Variants in PGAP6 observed in about 807,000 individuals in gnomAD.
The protein encoded by PGAP6 is post-GPI attachment to proteins 6.
In PGAP6, 62 loss-of-function variants were observed where a neutral mutation model predicts 68.4. That is an observed-to-expected ratio of 0.91 (90% CI 0.74 to 1.12). The LOEUF (loss-of-function observed/expected upper bound fraction) is 1.12. Ranked by LOEUF, PGAP6 falls within the 50% of genes most tolerant of loss-of-function variation. The pLI, the probability that PGAP6 is intolerant of heterozygous loss-of-function variation, is 0.00. For missense variants in PGAP6, 1,188 were observed against 1,068.5 expected (o/e 1.11, Z -1.56); for synonymous variants, 575 against 474.0 (o/e 1.21, Z -2.77).
At chr16:379,059 C>T (rs8058883) in intron 1 of PGAP6, among the ~76,000 whole-genome samples, 76,239 of 152,102 alleles carry the variant, frequency 0.5, 19,572 homozygotes, top group South Asian at 0.66. Context: ...TAGGTCAGGG[C>T]GGAGGGCACA....
At chr16:381,620 G>C in intron 1 of PGAP6, 81 bp downstream of exon 1, 1 of 1,079,302 alleles carries the variant, frequency 9.3e-7, no homozygotes, top group Non-Finnish European at 1.1e-6. Flanking sequence ...TGAGCGCACA[G>C]GTGCGCCCGG....
At chr16:382,678 C>T (rs1444868201), upstream of PGAP6, among the ~76,000 whole-genome samples, 1 of 151,094 alleles carries the variant, frequency 6.6e-6, no homozygotes, top group African/African-American at 2.4e-5. Flanking sequence ...GAAGCTTTTT[C>T]CGTCTTAGGG....
rs764869924 is a variant in PGAP6 at position 371,995 on chromosome 16, C to T, written c.2308G>A (p.Val770Met). The T allele has an allele frequency of 6.2e-7, 1 of 1,611,820 alleles. No individual in the cohort carries two copies. Among genetic ancestry groups the T allele is most frequent in the Non-Finnish European group, 8.5e-7 (1 of 1,179,326 alleles). ...CTGTCCCCAGGCCAGTGTCACGTCA[C>T]TGCGTACAGTTCCTCCCGATCGTTC... ...CKNDREELYA[V>M]T is the part of the protein sequence containing the mutation. Residue 770 changes from valine (V) to methionine (M), a missense_variant, in exon 13 of 13, where the codon GTG becomes ATG. Physicochemically the swap from Val to Met is conservative, Grantham distance 21. Transcript: ENST00000431232.
chr16:377,556 A>G lies in PGAP6; in HGVS notation c.329T>C (p.Ile110Thr). The G allele has an allele frequency of 3.2e-6, 5 of 1,585,652 alleles. No homozygotes were observed. Among genetic ancestry groups the G allele is most frequent in the Non-Finnish European group, 4.3e-6 (5 of 1,166,592 alleles). ...CGGGAAGCTGGTGCCCAGCGGGTTG[A>G]TGACCGGAGGGGCGCCGGAACGGAA... Reference protein sequence around the residue: ...VHFRSGAPPVINPLGTSFPDD... With the variant: ...VHFRSGAPPVTNPLGTSFPDD... Residue 110 changes from isoleucine to threonine, a missense_variant, in exon 3 of 13, where the codon ATC becomes ACC. Coordinates refer to ENST00000431232, the MANE Select transcript of PGAP6 (RefSeq NM_021259.3).
intron 8 of PGAP6, 116 bp downstream of exon 8, chr16:375,017 G>T: frequency 6.3e-7 from 1 of 1,574,950 alleles, no homozygotes; most frequent in Non-Finnish European, 8.6e-7. Context: ...AGCAGCCCTG[G>T]AGGAAGCACC....
upstream of PGAP6, chr16:382,326 G>C (rs935602677): frequency 2.3e-5 from 9 of 388,944 alleles, no homozygotes; most frequent in Non-Finnish European, 3.6e-5. Context: ...TGGCAGGCTC[G>C]GGGAGCCCGC....
In PGAP6 at chr16:371,434, A is replaced by C. The variant is rs570635602; in HGVS notation, c.*553T>G. The stretch of plus-strand genomic sequence containing the variant: ...GGAGCCTGCATCCCCAGTGCCCATC[A>C]GCTCTGGGGGAAACCTCCGTCTCCC... On this transcript the variant is annotated 3_prime_UTR_variant, in exon 13 of 13. Transcript: ENST00000431232. 1 of 154,182 alleles carries C rather than the reference A, an allele frequency of 6.5e-6. No homozygotes were observed. Among genetic ancestry groups the C allele is most frequent in the African/African-American group, 2.4e-5 (1 of 41,434 alleles). 9.6% of individuals were successfully genotyped at this position (154,182 alleles called of 1,614,324 possible).
rs1427872568 is a variant in PGAP6 at position 371,931 on chromosome 16, C to G, written c.*56G>C. On this transcript the variant is annotated 3_prime_UTR_variant, in exon 13 of 13. Transcript: ENST00000431232. ...AGGGCTGGACCAGGCGCCTCCCCCT[C>G]GATACAGCTCCTGGCTGAAGAGGTC... is the stretch of plus-strand genomic sequence containing the variant. The G allele has an allele frequency of 3.2e-6, 5 of 1,565,932 alleles. No individual in the cohort carries two copies. The East Asian group carries it at 1.1e-4, about 35-fold the overall frequency.
At position 381,676 on chromosome 16, in the gene PGAP6, G is replaced by A. The variant is rs1157153848; in HGVS notation, c.121+25C>T. The A allele has an allele frequency of 1.4e-5, 15 of 1,079,076 alleles. No homozygotes were observed. In the African/African-American group the frequency reaches 2.4e-4, roughly 17 times the overall value. 66.8% of individuals were successfully genotyped at this position (1,079,076 alleles called of 1,614,324 possible). On this transcript the variant is annotated intron_variant, in intron 1 of 12. Transcript: ENST00000431232. The stretch of plus-strand genomic sequence containing the variant: ...CCCGCAGCCCCGGCCCCACGCCCCC[G>A]ATGGCGCCCGCGCCTCCCGCTCACC...
intron 3 of PGAP6, 66 bp downstream of exon 3, chr16:377,312 G>A: frequency 1.3e-6 from 2 of 1,549,328 alleles, no homozygotes; most frequent in Admixed American, 3.8e-5. Context: ...CCAAAGAGGT[G>A]AACGGCAGGG....
rs373171599 is a variant in PGAP6 at position 377,523 on chromosome 16, G to C, written c.362C>G (p.Thr121Ser). 162 of 1,594,888 alleles carry C rather than the reference G, an allele frequency of 1.0e-4. No individual in the cohort carries two copies. The highest frequency in any genetic ancestry group is 1.3e-4 in the Non-Finnish European group (156 of 1,171,386). Residue 121 changes from threonine to serine, a missense_variant, in exon 3 of 13, where the codon ACC becomes AGC. Thr to Ser is a moderately conservative substitution (Grantham distance 58, BLOSUM62 1). Transcript: ENST00000431232. ...GACCTGGAAGGAGGGCTGTACCGCG[G>C]TGTCGTCCGGGAAGCTGGTGCCCAG... ...NPLGTSFPDD[T>S]AVQPSFQVGV...
chr16:383,659 A>G (rs1451932336), upstream of PGAP6, among the ~76,000 whole-genome samples: 1 of 152,206 alleles, frequency 6.6e-6, no homozygotes, highest in East Asian at 1.9e-4. Context: ...TCAAAGCTCT[A>G]CCATTTGTGT....
chr16:383,409 C>G (rs1369304042), upstream of PGAP6: 1 of 152,270 alleles, frequency 6.6e-6, no homozygotes. Flanking sequence ...GGGAATTCCA[C>G]CTCTGCGTTT....
chr16:381,034 C>G (rs1406276324), intron 1 of PGAP6, among the ~76,000 whole-genome samples: 1 of 152,280 alleles, frequency 6.6e-6, no homozygotes, highest in Non-Finnish European at 1.5e-5. Flanking sequence ...ACGCCTTCTC[C>G]CTGGTCCAGC....
chr16:376,096 C>T, intron 6 of PGAP6, 40 bp downstream of exon 6: 2 of 1,555,980 alleles, frequency 1.3e-6, no homozygotes, highest in Non-Finnish European at 1.7e-6. Flanking sequence ...CGGCGCCCTG[C>T]CCGAGCCCAG....
At position 371,984 on chromosome 16, in the gene PGAP6, G is replaced by A. The variant is rs1474045761; in HGVS notation, c.*3C>T. ...CAGAGCAGCAGCTGTCCCCAGGCCA[G>A]TGTCACGTCACTGCGTACAGTTCCT... is the stretch of plus-strand genomic sequence containing the variant. On this transcript the variant is annotated 3_prime_UTR_variant, in exon 13 of 13. Transcript: ENST00000431232. 4.3e-6 allele frequency: 7 copies of A among 1,609,990 alleles called. No homozygotes were observed. The highest frequency in any genetic ancestry group is 5.9e-6 in the Non-Finnish European group (7 of 1,178,138).
At position 377,746 on chromosome 16, in the gene PGAP6, T is replaced by A. The variant is rs1402959312; in HGVS notation, c.224A>T (p.Asp75Val). The A allele has an allele frequency of 6.3e-7, 1 of 1,596,986 alleles. No individual in the cohort carries two copies. The highest frequency in any genetic ancestry group is 1.3e-5 in the African/African-American group (1 of 74,658). The change falls in exon 2 of 13, where the codon GAT becomes GTT. Residue 75 changes from aspartate to valine, a missense_variant. Physicochemically the swap from Asp to Val is radical, Grantham distance 152. Coordinates refer to ENST00000431232, the MANE Select transcript of PGAP6 (RefSeq NM_021259.3). ...CAGGAGCCAGCGTAGAAGCACAGCATCTGGGGGCACGCGGAAGCGGAAGAG... is the reference window on the plus strand; with the variant it reads ...CAGGAGCCAGCGTAGAAGCACAGCAACTGGGGGCACGCGGAAGCGGAAGAG... ...ARLFRFRVPPDAVLLRWLLQV... is the reference protein window; with the variant it reads ...ARLFRFRVPPVAVLLRWLLQV...
Position 377,699 on chromosome 16 carries a change from C to G in PGAP6, c.271G>C (p.Ala91Pro), listed in dbSNP as rs150713114. Residue 91 changes from alanine (A) to proline (P), a missense_variant, in exon 2 of 13, where the codon GCT becomes CCT. Transcript: ENST00000431232. ...GTGATCTCCGCGTCGGTGCAGGCAG[C>G]GCCGCTCTCCCGGGAGACCTGCAGG... ...WLLQVSRESGAACTDAEITVH... is the reference protein window; with the variant it reads ...WLLQVSRESGPACTDAEITVH... The G allele has an allele frequency of 9.3e-3, 14,797 of 1,591,898 alleles. 86 individuals carry two copies. The highest frequency in any genetic ancestry group is 0.012 in the South Asian group (1,072 of 88,022).
chr16:384,367 TCA>T (rs1450179074), upstream of PGAP6: 2 of 152,144 alleles, frequency 1.3e-5, no homozygotes, highest in African/African-American at 4.8e-5. Context: ...GTCTGCTAAG[TCA>T]CAGAGTGTTG....
Sources: gnomAD v4.1 joint callset for allele counts (sites outside exome capture counted in the v4.1 genomes callset) on GRCh38, gnomAD v4.1.1 for gene constraint, MANE v1.5 for transcripts, NCBI Gene and HGNC (gene_info 2026-07-23, HGNC 2026-07-21) for gene names.